Variants in DST observed in about 807,000 individuals in gnomAD.
DST encodes the protein bullous pemphigoid antigen.
Under a neutral mutation model 875.2 loss-of-function variants are expected in DST, and 253 were observed. That is an observed-to-expected ratio of 0.29 (90% CI 0.26 to 0.32). DST has a LOEUF of 0.32. DST is among the 10% of genes least tolerant of loss of function. The pLI is 1.00. For synonymous variants in DST, 3,124 were observed against 3,197.1 expected, an observed-to-expected ratio of 0.98 and a Z score of 0.77; for missense variants, 8,287 against 9,111.6, an observed-to-expected ratio of 0.91 and a Z score of 3.68.
At chr6:56,842,652 C>T (rs1315583092) in intron 4 of DST, among the ~76,000 whole-genome samples, 1 of 151,978 alleles carries the variant, frequency 6.6e-6, no homozygotes, top group African/African-American at 2.4e-5. Flanking sequence ...GATGCTGAAC[C>T]TTTTCTACAG....
rs1203438816 is a variant in DST at position 56,699,739 on chromosome 6, A to T, written c.961T>A (p.Leu321Ile). 2.7e-6 allele frequency: 4 copies of T among 1,466,024 alleles called. No homozygotes were observed. In the Admixed American group the frequency reaches 9.9e-5, roughly 36 times the overall value. 90.8% of individuals were successfully genotyped at this position (1,466,024 alleles called of 1,614,324 possible). A position where few individuals can be genotyped will look rare whatever the true frequency, so the allele number is the denominator to read the frequency against. ...ATGTCATCATTTCTAATATTCACTA[A>T]TTTCACCTGTTTTGAATGTGAAGAA... The part of the protein sequence containing the change: ...LDYLKRRQVK[L>I]VNIRNDDITD... Residue 321 changes from leucine (L) to isoleucine (I), a missense_variant, in exon 9 of 104, where the codon TTA becomes ATA. Leu to Ile is a conservative substitution (Grantham distance 5, BLOSUM62 2). Transcript: ENST00000680361.
At chr6:56,560,264 A>T in intron 58 of DST, 30 bp downstream of exon 58, 3 of 1,540,316 alleles carry the variant, frequency 1.9e-6, no homozygotes, top group Non-Finnish European at 2.6e-6. Context: ...ACTTTTCTTC[A>T]TAGGCATTCA....
At chr6:56,776,458 T>C (rs1024043771) in intron 4 of DST, among the ~76,000 whole-genome samples, 2 of 152,338 alleles carry the variant, frequency 1.3e-5, no homozygotes, top group Admixed American at 6.5e-5. Flanking sequence ...CCATTAGTTA[T>C]GATACATGTA....
intron 4 of DST, among the ~76,000 whole-genome samples, chr6:56,779,760 A>T (rs2099688312): frequency 1.3e-5 from 2 of 150,534 alleles, no homozygotes; most frequent in South Asian, 4.2e-4. Flanking sequence ...GTTTTAGGGT[A>T]CATGTGCACA....
chr6:56,940,351 T>C (rs1815833531), intron 2 of DST, among the ~76,000 whole-genome samples: 1 of 152,030 alleles, frequency 6.6e-6, no homozygotes, highest in South Asian at 2.1e-4. Context: ...GTACATAAAA[T>C]AAATTGCACC....
chr6:56,914,037 G>A (rs1380216525), intron 2 of DST, among the ~76,000 whole-genome samples: 1 of 152,056 alleles, frequency 6.6e-6, no homozygotes, highest in East Asian at 1.9e-4. Context: ...TTTATGAACA[G>A]TGGCTGTTCA....
rs869186436 is a variant in DST at position 56,934,560 on chromosome 6, T to TTTTATATATATATATATATATATATATA, written c.216+19224_216+19225insTATATATATATATATATATATATATAAA. 1.8e-3 allele frequency among the ~76,000 whole-genome samples: 192 copies of TTTTATATATATATATATATATATATATA among 106,456 alleles called. 7 individuals are homozygous for TTTTATATATATATATATATATATATATA. The highest frequency in any genetic ancestry group is 3.0e-3 in the Non-Finnish European group (159 of 52,300). 69.8% of individuals were successfully genotyped at this position (106,456 alleles called of 152,430 possible). On this transcript the variant is annotated intron_variant, in intron 2 of 103. Transcript: ENST00000680361. The stretch of plus-strand genomic sequence containing the variant: ...TAAAATATACATATTATATATTATA[T>TTTTATATATATATATATATATATATATA]TATATATATATATATATATATATAT...
intron 92 of DST, 170 bp from the exon 93 acceptor site, chr6:56,474,172 A>G (rs945948554): frequency 5.4e-6 from 3 of 560,266 alleles, no homozygotes; most frequent in Non-Finnish European, 6.1e-6. Context: ...TACTGCAGGC[A>G]TTTACTAATT....
chr6:56,664,812 C>T (rs2099064107), intron 10 of DST, among the ~76,000 whole-genome samples: 1 of 151,996 alleles, frequency 6.6e-6, no homozygotes, highest in African/African-American at 2.4e-5. Flanking sequence ...ACAAACAGAA[C>T]AAGCAGAAAC....
chr6:56,905,463 T>G (rs1489608323), intron 2 of DST, among the ~76,000 whole-genome samples: 1 of 152,154 alleles, frequency 6.6e-6, no homozygotes, highest in Non-Finnish European at 1.5e-5. Context: ...TTGATTTTAT[T>G]AATTCAACTA....
intron 48 of DST, among the ~76,000 whole-genome samples, chr6:56,592,829 C>T (rs186371352): frequency 6.6e-6 from 1 of 151,816 alleles, no homozygotes; most frequent in East Asian, 1.9e-4. Flanking sequence ...ATTTATGCAA[C>T]TTGGCAAGTC....
chr6:56,924,059 G>A (rs1592551158), intron 2 of DST, among the ~76,000 whole-genome samples: 1 of 152,106 alleles, frequency 6.6e-6, no homozygotes, highest in East Asian at 1.9e-4. Context: ...GGGAGGCGGA[G>A]GTTGCAGTGA....
chr6:56,613,787 A>C (rs2098578839), intron 37 of DST, among the ~76,000 whole-genome samples: 1 of 152,232 alleles, frequency 6.6e-6, no homozygotes, highest in Admixed American at 6.5e-5. Context: ...TACAGAAGAT[A>C]GCCCGTTAAG....
At chr6:56,949,410 G>A (rs987380258) in intron 2 of DST, among the ~76,000 whole-genome samples, 14 of 152,138 alleles carry the variant, frequency 9.2e-5, no homozygotes, top group Admixed American at 3.9e-4. Context: ...AGCAGCCTCC[G>A]ATGCTCTCAT....
chr6:56,646,212 C>G (rs1207737548), intron 13 of DST, 30 bp from the exon 14 acceptor site: 6 of 1,267,124 alleles, frequency 4.7e-6, no homozygotes, highest in Non-Finnish European at 6.5e-6. Context: ...AAATTAAGGA[C>G]CAAACTTAAA....
chr6:56,605,919 A>G lies in DST; in HGVS notation c.8709T>C (p.Ala2903=). The change falls in exon 40 of 104, where the codon GCT becomes GCC. Residue 2903 remains alanine, a synonymous_variant. Coordinates refer to ENST00000680361, the MANE Select transcript of DST (RefSeq NM_001374736.1). ...TCAACAGATTTTCTTTGCTTTTTCC[A>G]GCAATCTCAGTTGTATATTCTGGAA... ...SNLPEYTTEI[A]GKSKENLLNH... 2.5e-6 allele frequency: 4 copies of G among 1,612,774 alleles called. No individual in the cohort carries two copies. The highest frequency in any genetic ancestry group is 3.4e-6 in the Non-Finnish European group (4 of 1,179,410).
intron 2 of DST, among the ~76,000 whole-genome samples, chr6:56,934,050 G>C (rs1811579519): frequency 6.6e-6 from 1 of 151,564 alleles, no homozygotes; most frequent in Non-Finnish European, 1.5e-5. Context: ...TTATTTTTTA[G>C]AGATGGGGAT....
chr6:56,675,692 A>C (rs555564457), intron 9 of DST, among the ~76,000 whole-genome samples: 2 of 152,136 alleles, frequency 1.3e-5, no homozygotes, highest in Admixed American at 1.3e-4. Flanking sequence ...TCTCTACTAA[A>C]ATACAAAACA....
chr6:56,528,662 A>C (rs2096843334), intron 67 of DST, among the ~76,000 whole-genome samples, 179 bp downstream of exon 67: 1 of 152,228 alleles, frequency 6.6e-6, no homozygotes, highest in Non-Finnish European at 1.5e-5. Context: ...GATCATGAGA[A>C]AAAAGTGAGA....
Sources: allele counts gnomAD v4.1 joint callset (sites outside exome capture counted in the v4.1 genomes callset), GRCh38; gene constraint gnomAD v4.1.1; transcripts MANE v1.5; gene names NCBI Gene and HGNC (gene_info 2026-07-23, HGNC 2026-07-21).